Variants in KCNAB2 observed in about 807,000 individuals in gnomAD.
The protein encoded by KCNAB2 is voltage-gated potassium channel subunit beta-2.
In KCNAB2, 29 loss-of-function variants were observed where a neutral mutation model predicts 63.6. The observed-to-expected ratio is 0.46, with a 90% confidence interval of 0.34 to 0.62. KCNAB2 has a LOEUF of 0.62. KCNAB2 is among the 20% of genes least tolerant of loss of function. The pLI is 0.01. For synonymous variants in KCNAB2, 222 were observed against 224.2 expected (o/e 0.99, Z 0.09); for missense variants, 359 against 563.9 (o/e 0.64, Z 3.68).
In KCNAB2 at chr1:6,086,953, C is replaced by T. The variant is rs1431325842; in HGVS notation, c.426-514C>T. On this transcript the variant is annotated intron_variant, in intron 6 of 15. Coordinates refer to ENST00000378083, the MANE Select transcript of KCNAB2 (RefSeq NM_001199862.2). The surrounding 1 kb of genome is among the most constrained non-coding windows in gnomAD (Gnocchi z 4.2). The stretch of plus-strand genomic sequence containing the variant: ...CGTCCCACACAGATTTTCTGCAACA[C>T]GTGTCACATTCTGTAGGGAACGTTG... 1.3e-5 allele frequency among the ~76,000 whole-genome samples: 2 copies of T among 152,040 alleles called. No individual in the cohort carries two copies.
At chr1:6,051,339 G>A (rs186797535) in intron 1 of KCNAB2, among the ~76,000 whole-genome samples, 172 bp from the exon 2 acceptor site, 2 of 152,360 alleles carry the variant, frequency 1.3e-5, no homozygotes, top group East Asian at 3.9e-4. Context: ...AGAATCTCAT[G>A]CCAAGAGGTG....
chr1:6,047,524 A>C (rs1437050798), intron 1 of KCNAB2, among the ~76,000 whole-genome samples: 2 of 152,094 alleles, frequency 1.3e-5, no homozygotes, highest in Admixed American at 6.5e-5. Context: ...AGTCCCCCCC[A>C]CACAAGAGAG....
intron 1 of KCNAB2, among the ~76,000 whole-genome samples, chr1:6,036,292 C>T (rs573405132): frequency 2.6e-5 from 4 of 152,120 alleles, no homozygotes; most frequent in Middle Eastern, 3.4e-3. Flanking sequence ...CACTTGAGGC[C>T]GGGAGTTGGA....
chr1:6,025,742 G>A (rs1454872438), intron 1 of KCNAB2, among the ~76,000 whole-genome samples: 1 of 152,166 alleles, frequency 6.6e-6, no homozygotes, highest in Admixed American at 6.5e-5. Flanking sequence ...GACCCTTCGT[G>A]TTGTCACCTG....
rs1234574569 is a variant in KCNAB2, at chr1:6,091,297, C to G, written c.636C>G (p.Phe212Leu). Reference protein sequence around the residue: ...DPFSSSKSRTFIIEETVRAMT... With the variant: ...DPFSSSKSRTLIIEETVRAMT... ...TTAGTTCCTCCAAGTCAAGGACATT[C>G]ATCATAGAAGGTACACAGTGCCCCC... The change falls in exon 10 of 16, where the codon TTC (phenylalanine) becomes TTG (leucine). Residue 212 changes from phenylalanine to leucine, a missense_variant. Phe to Leu is a conservative substitution (Grantham distance 22). This residue lies in a region of KCNAB2 where 271 missense variants were observed against 476.1 expected (regional missense o/e 0.57). Coordinates refer to ENST00000378083, the MANE Select transcript of KCNAB2 (RefSeq NM_001199862.2). The G allele has an allele frequency of 2.0e-6, 3 of 1,533,000 alleles. No homozygotes were observed. Among genetic ancestry groups the G allele is most frequent in the Non-Finnish European group, 2.6e-6 (3 of 1,144,138 alleles). 95.0% of individuals were successfully genotyped at this position (1,533,000 alleles called of 1,614,324 possible).
intron 4 of KCNAB2, among the ~76,000 whole-genome samples, chr1:6,075,894 CT>C (rs1391655106): frequency 6.6e-6 from 1 of 152,234 alleles, no homozygotes; most frequent in Non-Finnish European, 1.5e-5. Context: ...TCCCCATCCC[CT>C]GGTCACCTCT....
intron 2 of KCNAB2, among the ~76,000 whole-genome samples, chr1:6,061,939 A>G (rs1662352232): frequency 6.6e-6 from 1 of 152,150 alleles, no homozygotes; most frequent in African/African-American, 2.4e-5. Context: ...TTCACCCACT[A>G]GATGACCAGG....
In KCNAB2 at chr1:6,049,044, C is replaced by T. The variant is rs143939577; in HGVS notation, c.-26-2467C>T. Among the ~76,000 whole-genome samples, 596 of 152,368 alleles carry T rather than the reference C, an allele frequency of 3.9e-3. 4 individuals carry two copies. The highest frequency in any genetic ancestry group is 0.014 in the Middle Eastern group (4 of 294). ...GTCCAGAGGTCCAGCAGCCACCACC[C>T]CTCCCAGCATAGAAATGAGCAGTGG... On this transcript the variant is annotated intron_variant, in intron 1 of 15. Coordinates refer to ENST00000378083, the MANE Select transcript of KCNAB2 (RefSeq NM_001199862.2).
In KCNAB2 at chr1:6,073,427, A is replaced by G. The variant is rs1243473739; in HGVS notation, c.263-306A>G. On this transcript the variant is annotated intron_variant, in intron 3 of 15. Transcript: ENST00000378083. The surrounding 1 kb of genome is among the most constrained non-coding windows in gnomAD (Gnocchi z 5.7). ...CATCCCTTGTGCCATTTCTTGCGGC[A>G]TGTCCTTGGAACTAGAGCTGCCTCA... 6.6e-6 allele frequency among the ~76,000 whole-genome samples: 1 copy of G among 152,164 alleles called. No homozygotes were observed. Among genetic ancestry groups the G allele is most frequent in the Non-Finnish European group, 1.5e-5 (1 of 68,026 alleles).
chr1:6,098,294 T>C (rs1489240627), intron 15 of KCNAB2, 191 bp from the exon 16 acceptor site: 1 of 1,406,758 alleles, frequency 7.1e-7, no homozygotes, highest in Non-Finnish European at 9.3e-7. Flanking sequence ...CCAGGCATGC[T>C]TCCTCTCTGC....
intron 2 of KCNAB2, among the ~76,000 whole-genome samples, chr1:6,066,148 T>C (rs11801871): frequency 0.33 from 50,621 of 152,110 alleles, 10,198 homozygotes; most frequent in African/African-American, 0.57. Context: ...CGGCCAGCAG[T>C]CCCAGCCTGG....
rs1230884394 is a variant in KCNAB2, at chr1:6,073,298, C to A, written c.263-435C>A. On this transcript the variant is annotated intron_variant, in intron 3 of 15. Coordinates refer to ENST00000378083, the MANE Select transcript of KCNAB2 (RefSeq NM_001199862.2). This position sits in a 1 kb window ranked among gnomAD's most constrained non-coding sequence, Gnocchi z 5.7. Reference sequence around the variant, plus strand: ...CACACCGCCCACTGCAGTACACACACCCCGCCCCCCACCAGCACCCACTGC... The same window carrying A: ...CACACCGCCCACTGCAGTACACACAACCCGCCCCCCACCAGCACCCACTGC... Among the ~76,000 whole-genome samples the A allele has an allele frequency of 1.3e-5, 2 of 152,076 alleles. No homozygotes were observed. Among genetic ancestry groups the A allele is most frequent in the Admixed American group, 1.3e-4 (2 of 15,264 alleles).
upstream of KCNAB2, among the ~76,000 whole-genome samples, chr1:6,030,486 T>A (rs1264958626): frequency 6.6e-6 from 1 of 151,964 alleles, no homozygotes; most frequent in Non-Finnish European, 1.5e-5. Flanking sequence ...TATGTACGTG[T>A]GTCTGTGCAT....
rs1490790368 is a variant in KCNAB2 at position 6,087,975 on chromosome 1, T to G, written c.470+464T>G. ...GCAGGTCTCCAAGTGTCTAGCTCCA[T>G]AGTTTCTGGGCTGGACACACTTGGG... is the stretch of plus-strand genomic sequence containing the variant. On this transcript the variant is annotated intron_variant, in intron 7 of 15. Coordinates refer to ENST00000378083, the MANE Select transcript of KCNAB2 (RefSeq NM_001199862.2). This position sits in a 1 kb window ranked among gnomAD's most constrained non-coding sequence, Gnocchi z 6.4. Among the ~76,000 whole-genome samples, 1 of 152,204 alleles carries G rather than the reference T, an allele frequency of 6.6e-6. No individual in the cohort carries two copies. The highest frequency in any genetic ancestry group is 6.5e-5 in the Admixed American group (1 of 15,280).
chr1:6,082,358 C>T (rs72630691), intron 5 of KCNAB2, 84 bp downstream of exon 5: 18 of 1,067,704 alleles, frequency 1.7e-5, no homozygotes, highest in Non-Finnish European at 2.5e-5. Flanking sequence ...GCTCGCGTTC[C>T]CAAGAGTGCT....
chr1:6,005,373 GA>G lies in KCNAB2; in HGVS notation c.-53+12586del, dbSNP rs1415631953. Reference sequence around the variant, plus strand: ...GGATGTGGGAGCTGAGCTGAGGAGTGAGGGTGAACTGGGGGATGTGGGAGCT... The same window carrying G: ...GGATGTGGGAGCTGAGCTGAGGAGTGGGGTGAACTGGGGGATGTGGGAGCT... On this transcript the variant is annotated intron_variant, in intron 1 of 16. Transcript: ENST00000341524. Among the ~76,000 whole-genome samples the G allele has an allele frequency of 4.3e-4, 32 of 75,132 alleles. 4 individuals are homozygous for G. Among genetic ancestry groups the G allele is most frequent in the South Asian group, 1.5e-3 (3 of 1,942 alleles). 49.3% of individuals were successfully genotyped at this position (75,132 alleles called of 152,430 possible). A position where few individuals can be genotyped will look rare whatever the true frequency, so the allele number is the denominator to read the frequency against.
chr1:6,085,272 C>T, intron 6 of KCNAB2, 24 bp downstream of exon 6: 2 of 1,611,630 alleles, frequency 1.2e-6, no homozygotes, highest in Non-Finnish European at 1.7e-6. Flanking sequence ...TCTCTGCGGC[C>T]TGTCCCTGGG....
chr1:6,055,458 C>T (rs1018830845), intron 2 of KCNAB2, among the ~76,000 whole-genome samples: 1 of 150,950 alleles, frequency 6.6e-6, no homozygotes, highest in Non-Finnish European at 1.5e-5. Flanking sequence ...CAGGTTCAAG[C>T]GATTCTCCTG....
intron 1 of KCNAB2, among the ~76,000 whole-genome samples, chr1:5,993,650 C>T (rs1369068095): frequency 6.6e-6 from 1 of 152,188 alleles, no homozygotes; most frequent in African/African-American, 2.4e-5. Flanking sequence ...TGGCATTTGT[C>T]CTGGGGGCTC....
Sources: allele counts gnomAD v4.1 joint callset (sites outside exome capture counted in the v4.1 genomes callset), GRCh38; gene constraint gnomAD v4.1.1; regional missense constraint gnomAD v4.1.1; non-coding constraint Gnocchi (gnomAD v3.1); transcripts MANE v1.5; gene names NCBI Gene and HGNC (gene_info 2026-07-23, HGNC 2026-07-21).